The following ADGRA1 variants were observed in gnomAD, a reference collection of about 807,000 sequenced individuals.
The protein encoded by ADGRA1 is adhesion G protein-coupled receptor A1.
ADGRA1 carries 12 observed loss-of-function variants against 21.3 expected under a neutral mutation model. That is an observed-to-expected ratio of 0.56 (90% CI 0.36 to 0.91). The LOEUF is 0.91. Among genes scored for constraint, ADGRA1 ranks in the 40% least tolerant of loss-of-function variants. The pLI, the probability that ADGRA1 is intolerant of heterozygous loss-of-function variation, is 0.01. For missense variants in ADGRA1, 790 were observed against 805.6 expected, an observed-to-expected ratio of 0.98 and a Z score of 0.23; for synonymous variants, 385 against 368.8, an observed-to-expected ratio of 1.04 and a Z score of -0.50.
At chr10:133,126,455 G>A (rs984892793) in intron 5 of ADGRA1, among the ~76,000 whole-genome samples, 28 of 152,282 alleles carry the variant, frequency 1.8e-4, no homozygotes, top group South Asian at 4.1e-4. Context: ...CGCAGGAGCC[G>A]GGGAGACAGC....
At position 133,130,098 on chromosome 10, in the gene ADGRA1, T is replaced by A. The variant is rs895634722; in HGVS notation, c.*587T>A. ...ACCCTCGGGACCCTCCGCTGTCGTG[T>A]GTCTGAGCCACCCCTGCAGCTTCAC... is the stretch of plus-strand genomic sequence containing the variant. On this transcript the variant is annotated 3_prime_UTR_variant, in exon 7 of 7. Coordinates refer to ENST00000392607, the MANE Select transcript of ADGRA1 (RefSeq NM_001083909.3). 3.3e-5 allele frequency: 5 copies of A among 153,558 alleles called. No individual in the cohort carries two copies. Among genetic ancestry groups the A allele is most frequent in the African/African-American group, 1.2e-4 (5 of 41,464 alleles). 9.5% of individuals were successfully genotyped at this position (153,558 alleles called of 1,614,324 possible).
intron 5 of ADGRA1, among the ~76,000 whole-genome samples, chr10:133,119,257 T>C (rs1488298805): frequency 1.9e-4 from 3 of 16,004 alleles, no homozygotes; most frequent in Middle Eastern, 0.022. Flanking sequence ...TGGTCCTTTA[T>C]TGCCAAAAAA....
Position 133,129,592 on chromosome 10 carries a change from G to T in ADGRA1, c.*81G>T, listed in dbSNP as rs932008251. On this transcript the variant is annotated 3_prime_UTR_variant, in exon 7 of 7. Coordinates refer to ENST00000392607, the MANE Select transcript of ADGRA1 (RefSeq NM_001083909.3). ...CATCTGCCACATGAGGTCACTGGGG[G>T]TACCGAAGTGACCCCGCCTTTCAGA... is the stretch of plus-strand genomic sequence containing the variant. 3 of 1,232,818 alleles carry T rather than the reference G, an allele frequency of 2.4e-6. No individual in the cohort carries two copies. The highest frequency in any genetic ancestry group is 3.3e-6 in the Non-Finnish European group (3 of 907,070). 76.4% of individuals were successfully genotyped at this position (1,232,818 alleles called of 1,614,324 possible). A position where few individuals can be genotyped will look rare whatever the true frequency, so the allele number is the denominator to read the frequency against.
chr10:133,121,375 G>A (rs996016546), intron 5 of ADGRA1, among the ~76,000 whole-genome samples: 2 of 152,148 alleles, frequency 1.3e-5, no homozygotes. Flanking sequence ...CAGGGTACGT[G>A]TGTGCATGTG....
Position 133,108,236 on chromosome 10 carries a change from T to C in ADGRA1, c.401+5394T>C, listed in dbSNP as rs534831519. 2.0e-5 allele frequency among the ~76,000 whole-genome samples: 3 copies of C among 152,370 alleles called. No homozygotes were observed. The South Asian group carries it at 6.2e-4, about 32-fold the overall frequency. ...GTAGGTTGTGTGTGAATCTGGTCCC[T>C]GGCCCCAGAGCTCTGCCTCGGGGCC... On this transcript the variant is annotated intron_variant, in intron 5 of 6. Coordinates refer to ENST00000392607, the MANE Select transcript of ADGRA1 (RefSeq NM_001083909.3).
At chr10:133,089,103 T>G (rs1851555892) in intron 2 of ADGRA1, 191 bp downstream of exon 2, 1 of 1,068,882 alleles carries the variant, frequency 9.4e-7, no homozygotes, top group African/African-American at 1.6e-5. Flanking sequence ...TCTGGGCACC[T>G]CTGCTCCCCG....
chr10:133,126,718 C>T (rs776444263), intron 5 of ADGRA1, among the ~76,000 whole-genome samples: 2 of 152,234 alleles, frequency 1.3e-5, no homozygotes, highest in Non-Finnish European at 2.9e-5. Flanking sequence ...CCCTCCAAGG[C>T]GGGGTTCCTC....
intron 5 of ADGRA1, among the ~76,000 whole-genome samples, chr10:133,115,204 TC>T (rs1189486200): frequency 6.6e-6 from 1 of 152,060 alleles, no homozygotes; most frequent in Non-Finnish European, 1.5e-5. Context: ...AGTGGGGCTG[TC>T]CCGAGTCCAC....
chr10:133,098,058 T>C (rs1461450274), intron 3 of ADGRA1, among the ~76,000 whole-genome samples: 1 of 152,100 alleles, frequency 6.6e-6, no homozygotes. Context: ...GGGGAGAGGA[T>C]GAGGCGAGGC....
intron 5 of ADGRA1, among the ~76,000 whole-genome samples, chr10:133,124,281 A>C (rs1209971306): frequency 1.3e-5 from 2 of 151,648 alleles, no homozygotes; most frequent in African/African-American, 4.9e-5. Context: ...CTCCCTGGCC[A>C]GGCCACCTTC....
intron 5 of ADGRA1, among the ~76,000 whole-genome samples, chr10:133,114,993 C>T (rs1852130030): frequency 6.6e-6 from 1 of 152,228 alleles, no homozygotes; most frequent in Admixed American, 6.5e-5. Context: ...ATCGAAGGCC[C>T]CCAGGGGCCG....
chr10:133,122,854 C>T (rs1334933976), intron 5 of ADGRA1, among the ~76,000 whole-genome samples: 1 of 151,004 alleles, frequency 6.6e-6, no homozygotes, highest in Non-Finnish European at 1.5e-5. Flanking sequence ...CGTCCCCAGG[C>T]ACACGCGTCC....
intron 4 of ADGRA1, among the ~76,000 whole-genome samples, chr10:133,100,346 G>A (rs1050155867): frequency 6.6e-6 from 1 of 152,258 alleles, no homozygotes; most frequent in Non-Finnish European, 1.5e-5. Flanking sequence ...AAGTGCCTGC[G>A]AGAGGCCGTC....
rs372733722 is a variant in ADGRA1, at chr10:133,102,833, C to G, written c.392C>G (p.Pro131Arg). The stretch of plus-strand genomic sequence containing the variant: ...GACCAGCCACCGTACCCCAGGCAGC[C>G]CCTGCTCAGGTACTGAGTGCACATG... ...DTDQPPYPRQ[P>R]LLRFYLVSGG... Residue 131 changes from proline to arginine, a missense_variant, in exon 5 of 7, where the codon CCC becomes CGC. Physicochemically the swap from Pro to Arg is moderately radical, Grantham distance 103. Coordinates refer to ENST00000392607, the MANE Select transcript of ADGRA1 (RefSeq NM_001083909.3). 1 of 1,610,714 alleles carries G rather than the reference C, an allele frequency of 6.2e-7. No individual in the cohort carries two copies. Among genetic ancestry groups the G allele is most frequent in the Non-Finnish European group, 8.5e-7 (1 of 1,178,182 alleles).
chr10:133,106,563 G>A (rs562340965), intron 5 of ADGRA1, among the ~76,000 whole-genome samples: 1 of 152,318 alleles, frequency 6.6e-6, no homozygotes, highest in South Asian at 2.1e-4. Context: ...GGGCCAAGGA[G>A]GGTGCCCAGG....
At position 133,100,437 on chromosome 10, in the gene ADGRA1, G is replaced by T. The variant is rs1017760412; in HGVS notation, c.255+1674G>T. On this transcript the variant is annotated intron_variant, in intron 4 of 6. Coordinates refer to ENST00000392607, the MANE Select transcript of ADGRA1 (RefSeq NM_001083909.3). ...TGGATCCGCGGGTGAGGCCCCCCGA[G>T]GGCCTTCAGCAAACCCCGCCCGCGC... Among the ~76,000 whole-genome samples, 5 of 152,238 alleles carry T rather than the reference G, an allele frequency of 3.3e-5. No homozygotes were observed. In the South Asian group the frequency reaches 6.2e-4, roughly 19 times the overall value.
At position 133,131,297 on chromosome 10, in the gene ADGRA1, C is replaced by T. The variant is rs1192754850; in HGVS notation, c.*1786C>T. Reference sequence around the variant, plus strand: ...GACCAGACGGGCCGTCGGAGGACCACCAGGTGGCTCTGCCTCTGCCTCACC... The same window carrying T: ...GACCAGACGGGCCGTCGGAGGACCATCAGGTGGCTCTGCCTCTGCCTCACC... On this transcript the variant is annotated 3_prime_UTR_variant, in exon 7 of 7. Transcript: ENST00000392607. 3 of 152,330 alleles carry T rather than the reference C, an allele frequency of 2.0e-5. No individual in the cohort carries two copies. Among genetic ancestry groups the T allele is most frequent in the African/African-American group, 7.2e-5 (3 of 41,476 alleles). 9.4% of individuals were successfully genotyped at this position (152,330 alleles called of 1,614,324 possible). A position where few individuals can be genotyped will look rare whatever the true frequency, so the allele number is the denominator to read the frequency against.
chr10:133,102,778 A>G lies in ADGRA1; in HGVS notation c.337A>G (p.Thr113Ala), dbSNP rs1477356031. ...VTARNIYKQVTKKAPLCLDTD... is the reference protein window; with the variant it reads ...VTARNIYKQVAKKAPLCLDTD... ...CGCCAGGAACATCTACAAGCAGGTG[A>G]CCAAGAAGGCCCCTCTGTGCCTGGA... Residue 113 changes from threonine (T) to alanine (A), a missense_variant, in exon 5 of 7, where the codon ACC (threonine) becomes GCC (alanine). Coordinates refer to ENST00000392607, the MANE Select transcript of ADGRA1 (RefSeq NM_001083909.3). 1.2e-6 allele frequency: 2 copies of G among 1,612,858 alleles called. No homozygotes were observed. Among genetic ancestry groups the G allele is most frequent in the Non-Finnish European group, 1.7e-6 (2 of 1,179,856 alleles).
intron 2 of ADGRA1, among the ~76,000 whole-genome samples, chr10:133,089,668 C>T (rs1461043200): frequency 6.6e-6 from 1 of 152,246 alleles, no homozygotes; most frequent in Non-Finnish European, 1.5e-5. Flanking sequence ...CCGCCACAGA[C>T]GCCGGCTGGC....
Sources: gnomAD v4.1 joint callset for allele counts (sites outside exome capture counted in the v4.1 genomes callset) on GRCh38, gnomAD v4.1.1 for gene constraint, MANE v1.5 for transcripts, NCBI Gene and HGNC (gene_info 2026-07-23, HGNC 2026-07-21) for gene names.